IL1RAPL1: variants seen among roughly 807,000 people sequenced by gnomAD.
IL1RAPL1 encodes the protein interleukin 1 receptor accessory protein like 1.
In IL1RAPL1, 3 loss-of-function variants were observed where a neutral mutation model predicts 48.4. The ratio of observed to expected loss-of-function variants is 0.06; its 90% confidence interval spans 0.03 to 0.16. The LOEUF (loss-of-function observed/expected upper bound fraction) is 0.16, where lower values mean the gene tolerates loss of function less well. IL1RAPL1 is among the 10% of genes least tolerant of loss of function. IL1RAPL1 has a pLI of 1.00. For synonymous variants in IL1RAPL1, 185 were observed against 187.7 expected (o/e 0.99, Z 0.12); for missense variants, 349 against 530.6 (o/e 0.66, Z 3.36).
intron 3 of IL1RAPL1, among the ~76,000 whole-genome samples, chrX:29,303,710 G>A (rs950873663): frequency 9.0e-6 from 1 of 111,567 alleles, no homozygotes; most frequent in Non-Finnish European, 1.9e-5. Context: ...AAGTATTTGG[G>A]CCCTAGGACC....
At chrX:29,302,606 G>C (rs1190627952) in intron 3 of IL1RAPL1, among the ~76,000 whole-genome samples, 1 of 112,087 alleles carries the variant, frequency 8.9e-6, no homozygotes, top group Non-Finnish European at 1.9e-5. Context: ...GAAAGGATCA[G>C]TTCATGGTCT....
chrX:29,870,239 T>C (rs1424148591), intron 6 of IL1RAPL1, among the ~76,000 whole-genome samples: 1 of 111,758 alleles, frequency 8.9e-6, no homozygotes, highest in Non-Finnish European at 1.9e-5. Flanking sequence ...AAAAATTAAA[T>C]GATTATCTTT....
intron 6 of IL1RAPL1, among the ~76,000 whole-genome samples, chrX:29,892,256 AT>A (rs754531788): frequency 2.7e-5 from 3 of 111,629 alleles, no homozygotes; most frequent in African/African-American, 9.8e-5. Context: ...CTGGCATTGA[AT>A]TTTTTTTATT....
At chrX:29,843,919 C>T (rs1931193265) in intron 6 of IL1RAPL1, among the ~76,000 whole-genome samples, 1 of 110,884 alleles carries the variant, frequency 9.0e-6, no homozygotes, top group Non-Finnish European at 1.9e-5. Context: ...AGGCTTGTCT[C>T]TCCATTTCAA....
At chrX:29,070,179 C>G (rs781271041) in intron 2 of IL1RAPL1, among the ~76,000 whole-genome samples, 55 of 111,501 alleles carry the variant, frequency 4.9e-4, no homozygotes, top group Middle Eastern at 9.1e-3. Context: ...TGCTTAAAAC[C>G]TTTAGGATCC....
intron 3 of IL1RAPL1, among the ~76,000 whole-genome samples, chrX:29,339,305 G>A (rs1467012007): frequency 1.8e-5 from 2 of 111,582 alleles, no homozygotes; most frequent in Non-Finnish European, 3.8e-5. Flanking sequence ...TTACTTCACT[G>A]TAAACATAGG....
chrX:29,834,002 T>C (rs1930935354), intron 6 of IL1RAPL1, among the ~76,000 whole-genome samples: 2 of 112,213 alleles, frequency 1.8e-5, no homozygotes, highest in Non-Finnish European at 3.8e-5. Flanking sequence ...ATGAATATCC[T>C]TGTAGCCATC....
chrX:29,265,022 C>T (rs193179099), intron 2 of IL1RAPL1, among the ~76,000 whole-genome samples: 57 of 111,510 alleles, frequency 5.1e-4, no homozygotes, highest in African/African-American at 1.6e-3. Flanking sequence ...AAGCGATTCT[C>T]GTGCCCCAGC....
intron 5 of IL1RAPL1, among the ~76,000 whole-genome samples, chrX:29,441,031 A>G (rs769262858): frequency 1.3e-4 from 14 of 110,853 alleles, no homozygotes; most frequent in African/African-American, 3.3e-4. Flanking sequence ...TTTTCCTTCA[A>G]TGTTGATTTG....
intron 5 of IL1RAPL1, among the ~76,000 whole-genome samples, chrX:29,427,002 A>ATT (rs1934358062): frequency 6.5e-5 from 7 of 107,235 alleles, no homozygotes; most frequent in East Asian, 2.9e-4. Context: ...CCTTTTTAAA[A>ATT]AAAAAAAAAA....
intron 6 of IL1RAPL1, among the ~76,000 whole-genome samples, chrX:29,679,336 GA>G (rs1926380187): frequency 8.9e-6 from 1 of 111,770 alleles, no homozygotes; most frequent in East Asian, 2.8e-4. Flanking sequence ...TATTTCTGAT[GA>G]TGATCATGTC....
In IL1RAPL1 at chrX:29,716,641, G is replaced by A. The variant is rs146966485; in HGVS notation, c.778+48137G>A. Among the ~76,000 whole-genome samples, 490 of 111,873 alleles carry A rather than the reference G, an allele frequency of 4.4e-3. 3 individuals carry two copies. Among genetic ancestry groups the A allele is most frequent in the Admixed American group, 6.8e-3 (72 of 10,516 alleles). Reference sequence around the variant, plus strand: ...ACATATGCAGGCCCAGAGTTCAGAGGCTAAAGTCAATTTAATGAGAAAGCT... The same window carrying A: ...ACATATGCAGGCCCAGAGTTCAGAGACTAAAGTCAATTTAATGAGAAAGCT... On this transcript the variant is annotated intron_variant, in intron 6 of 10. Coordinates refer to ENST00000378993, the MANE Select transcript of IL1RAPL1 (RefSeq NM_014271.4).
chrX:29,073,504 C>A (rs1421570497), intron 2 of IL1RAPL1, among the ~76,000 whole-genome samples: 2 of 111,475 alleles, frequency 1.8e-5, no homozygotes, highest in African/African-American at 3.3e-5. Context: ...CAATCATATG[C>A]CTGCTGAGTC....
At chrX:29,838,733 A>G (rs1442950227) in intron 6 of IL1RAPL1, among the ~76,000 whole-genome samples, 1 of 112,082 alleles carries the variant, frequency 8.9e-6, no homozygotes, top group East Asian at 2.8e-4. Context: ...CTCATACCAG[A>G]TAACAAAGAA....
At chrX:29,493,933 T>C (rs776959120) in intron 5 of IL1RAPL1, among the ~76,000 whole-genome samples, 1 of 111,444 alleles carries the variant, frequency 9.0e-6, no homozygotes, top group Non-Finnish European at 1.9e-5. Flanking sequence ...CTCGCTCTGT[T>C]GCCCAGGCTG....
chrX:28,674,454 ATTCT>A (rs961643852), intron 1 of IL1RAPL1, among the ~76,000 whole-genome samples: 4 of 111,329 alleles, frequency 3.6e-5, no homozygotes, highest in African/African-American at 1.3e-4. Context: ...TCCTTTTTTC[ATTCT>A]TCATTTTGTG....
intron 3 of IL1RAPL1, among the ~76,000 whole-genome samples, chrX:29,286,948 G>T (rs1216657083): frequency 9.1e-6 from 1 of 110,263 alleles, no homozygotes; most frequent in Non-Finnish European, 1.9e-5. Context: ...GCCATACCCA[G>T]ATTTGCTCGG....
intron 2 of IL1RAPL1, among the ~76,000 whole-genome samples, chrX:28,885,999 T>G (rs1428220638): frequency 1.8e-5 from 2 of 111,056 alleles, no homozygotes; most frequent in African/African-American, 6.5e-5. Flanking sequence ...CATACAAAAT[T>G]TAATTTGCCA....
At chrX:29,782,347 A>G (rs1018490853) in intron 6 of IL1RAPL1, among the ~76,000 whole-genome samples, 10 of 111,741 alleles carry the variant, frequency 8.9e-5, no homozygotes, top group African/African-American at 3.3e-4. Flanking sequence ...GTAGAAAGCA[A>G]TGAAGAAATA....
Sources: allele counts gnomAD v4.1 joint callset (sites outside exome capture counted in the v4.1 genomes callset), GRCh38; gene constraint gnomAD v4.1.1; transcripts MANE v1.5; gene names NCBI Gene and HGNC (gene_info 2026-07-23, HGNC 2026-07-21).